SDK1: variants seen among roughly 807,000 people sequenced by gnomAD.
The protein encoded by SDK1 is protein sidekick-1.
In SDK1, 157 loss-of-function variants were observed where a neutral mutation model predicts 245.5. The observed-to-expected ratio is 0.64, with a 90% CI of 0.56 to 0.73. SDK1 has a LOEUF of 0.73. Ranked by LOEUF, SDK1 falls within the 30% of genes least tolerant of loss-of-function variation. The pLI is 0.00. For missense variants in SDK1, 3,583 were observed against 3,002.3 expected (o/e 1.19, Z -4.52); for synonymous variants, 1,647 against 1,278.5 (o/e 1.29, Z -6.15).
chr7:3,950,624 A>G (rs1780768678), intron 5 of SDK1, among the ~76,000 whole-genome samples: 1 of 152,184 alleles, frequency 6.6e-6, no homozygotes, highest in Admixed American at 6.5e-5. Flanking sequence ...TCCACTCACA[A>G]TGGGGTTATG....
intron 1 of SDK1, among the ~76,000 whole-genome samples, chr7:3,570,387 C>T (rs1020701388): frequency 1.3e-5 from 2 of 152,134 alleles, no homozygotes; most frequent in African/African-American, 4.8e-5. Flanking sequence ...GGAGGAGTTG[C>T]TCAGGCAGTA....
intron 1 of SDK1, among the ~76,000 whole-genome samples, chr7:3,446,914 C>T (rs1023483290): frequency 1.3e-5 from 2 of 152,040 alleles, no homozygotes; most frequent in African/African-American, 2.4e-5. Context: ...TTTTAGACAT[C>T]ATGTAATTGG....
chr7:4,193,429 G>A (rs928302129), intron 35 of SDK1, among the ~76,000 whole-genome samples: 2 of 141,446 alleles, frequency 1.4e-5, no homozygotes, highest in Non-Finnish European at 3.0e-5. Context: ...TAAGTTACAT[G>A]AGCACAAGGA....
intron 4 of SDK1, among the ~76,000 whole-genome samples, chr7:3,692,395 A>G (rs1159872158): frequency 6.6e-6 from 1 of 152,052 alleles, no homozygotes; most frequent in African/African-American, 2.4e-5. Flanking sequence ...GTGTATTTAG[A>G]ATTTGGGATC....
intron 1 of SDK1, among the ~76,000 whole-genome samples, chr7:3,587,590 T>C (rs1481168775): frequency 6.6e-6 from 1 of 152,206 alleles, no homozygotes; most frequent in African/African-American, 2.4e-5. Context: ...CCTCCGCTTT[T>C]TCAGCCCCCA....
chr7:3,801,521 C>T (rs73308036), intron 4 of SDK1, among the ~76,000 whole-genome samples: 83 of 152,294 alleles, frequency 5.4e-4, no homozygotes, highest in African/African-American at 1.9e-3. Flanking sequence ...ATTGTGCTCT[C>T]TCTCTATCGT....
intron 35 of SDK1, among the ~76,000 whole-genome samples, chr7:4,200,269 T>A (rs1316140667): frequency 6.6e-6 from 1 of 152,150 alleles, no homozygotes; most frequent in African/African-American, 2.4e-5. Context: ...TGCACCAAAC[T>A]CCAGGCGGTC....
At chr7:3,780,017 C>A (rs1215638223) in intron 4 of SDK1, among the ~76,000 whole-genome samples, 1 of 152,126 alleles carries the variant, frequency 6.6e-6, no homozygotes, top group Non-Finnish European at 1.5e-5. Context: ...GTCTCTACTC[C>A]CCTGACCCCC....
Position 3,493,274 on chromosome 7 carries a change from C to T in SDK1, c.299-125806C>T, listed in dbSNP as rs536417367. ...CTGAAGAGAAGATTTAGATATATGT[C>T]TGTCTGTCCATCCATCTCCCTACCC... On this transcript the variant is annotated intron_variant, in intron 1 of 44. Coordinates refer to ENST00000404826, the MANE Select transcript of SDK1 (RefSeq NM_152744.4). 8.5e-5 allele frequency among the ~76,000 whole-genome samples: 13 copies of T among 152,302 alleles called. No homozygotes were observed. In the East Asian group the frequency reaches 2.3e-3, roughly 27 times the overall value.
chr7:4,175,114 C>T (rs1053990387), intron 33 of SDK1, among the ~76,000 whole-genome samples: 4 of 152,254 alleles, frequency 2.6e-5, no homozygotes, highest in Admixed American at 6.5e-5. Flanking sequence ...GGGCCTTCCA[C>T]GCACCCAGTG....
At chr7:3,711,703 C>T (rs1385571618) in intron 4 of SDK1, among the ~76,000 whole-genome samples, 1 of 152,096 alleles carries the variant, frequency 6.6e-6, no homozygotes, top group East Asian at 1.9e-4. Context: ...ATAAGCCAGG[C>T]AAAGGGTCAA....
At chr7:4,161,932 C>A in intron 32 of SDK1, 76 bp downstream of exon 32, 1 of 1,296,774 alleles carries the variant, frequency 7.7e-7, no homozygotes, top group Non-Finnish European at 1.1e-6. Context: ...CAACGGCTGA[C>A]ATGGACTGCA....
At chr7:3,491,949 G>C (rs562148910) in intron 1 of SDK1, among the ~76,000 whole-genome samples, 10 of 152,224 alleles carry the variant, frequency 6.6e-5, no homozygotes, top group Non-Finnish European at 1.2e-4. Flanking sequence ...GTGAATACAG[G>C]TGTTCATATA....
At chr7:3,309,251 T>C (rs73286353) in intron 1 of SDK1, among the ~76,000 whole-genome samples, 10 of 152,224 alleles carry the variant, frequency 6.6e-5, no homozygotes, top group African/African-American at 2.4e-4. Context: ...GAGATTTTGA[T>C]AGGGTATGAC....
intron 22 of SDK1, among the ~76,000 whole-genome samples, chr7:4,080,834 G>A (rs1781009542): frequency 6.6e-6 from 1 of 151,700 alleles, no homozygotes; most frequent in African/African-American, 2.4e-5. Flanking sequence ...TTGTGCACAC[G>A]TACCCTAAAA....
intron 4 of SDK1, among the ~76,000 whole-genome samples, chr7:3,799,674 C>T (rs528333191): frequency 6.5e-5 from 9 of 137,506 alleles, no homozygotes; most frequent in African/African-American, 2.4e-4. Flanking sequence ...CACTGCACTC[C>T]AGCCTGGGCG....
At chr7:4,031,262 T>C (rs1787801026) in intron 17 of SDK1, among the ~76,000 whole-genome samples, 1 of 152,222 alleles carries the variant, frequency 6.6e-6, no homozygotes, top group South Asian at 2.1e-4. Context: ...TCTGTGTAAT[T>C]GAAAATCTAA....
intron 17 of SDK1, among the ~76,000 whole-genome samples, chr7:4,025,029 C>T (rs952440534): frequency 6.7e-6 from 1 of 149,030 alleles, no homozygotes; most frequent in Non-Finnish European, 1.5e-5. Flanking sequence ...CACACACACA[C>T]ACACACACAC....
chr7:4,169,818 C>T (rs543591330), intron 32 of SDK1, among the ~76,000 whole-genome samples: 3 of 152,276 alleles, frequency 2.0e-5, no homozygotes, highest in South Asian at 2.1e-4. Flanking sequence ...TGCGGGAGGG[C>T]CCCTGGGCAC....
Sources: gnomAD v4.1 joint callset for allele counts (sites outside exome capture counted in the v4.1 genomes callset) on GRCh38, gnomAD v4.1.1 for gene constraint, MANE v1.5 for transcripts, NCBI Gene and HGNC (gene_info 2026-07-23, HGNC 2026-07-21) for gene names.